GTF2IRD1: variants seen among roughly 807,000 people sequenced by gnomAD.
GTF2IRD1 encodes the protein GTF2I repeat domain containing 1.
GTF2IRD1 carries 26 observed loss-of-function variants against 113.2 expected under a neutral mutation model. The observed-to-expected ratio is 0.23, with a 90% CI of 0.17 to 0.32. The LOEUF (loss-of-function observed/expected upper bound fraction) is 0.32, where lower values mean the gene tolerates loss of function less well. Among genes scored for constraint, GTF2IRD1 ranks in the 10% least tolerant of loss-of-function variants. The pLI is 1.00. For synonymous variants in GTF2IRD1, 484 were observed against 529.1 expected (o/e 0.91, Z 1.17); for missense variants, 864 against 1,280.8 (o/e 0.67, Z 4.97).
chr7:74,479,408 G>A (rs889248493), intron 1 of GTF2IRD1, among the ~76,000 whole-genome samples: 4 of 149,612 alleles, frequency 2.7e-5, no homozygotes, highest in African/African-American at 9.9e-5. Flanking sequence ...ACACGTGGGC[G>A]GCCCAGGCTG....
chr7:74,561,346 CAAA>C (rs11452589), intron 22 of GTF2IRD1, among the ~76,000 whole-genome samples: 2 of 77,714 alleles, frequency 2.6e-5, no homozygotes, highest in Non-Finnish European at 2.5e-5. Context: ...TAGATTGTCT[CAAA>C]AAAAAAAAAA....
At chr7:74,558,344 TTTC>T (rs1554357864) in intron 20 of GTF2IRD1, among the ~76,000 whole-genome samples, 1 of 130,368 alleles carries the variant, frequency 7.7e-6, no homozygotes, top group African/African-American at 3.0e-5. Context: ...TTTTCTTTCG[TTTC>T]TTTTTTTTTT....
intron 17 of GTF2IRD1, among the ~76,000 whole-genome samples, chr7:74,549,962 A>C (rs1554354508): frequency 1.3e-5 from 2 of 151,950 alleles, no homozygotes; most frequent in African/African-American, 4.8e-5. Context: ...GCTTGAACCC[A>C]GGAGGCAGAA....
chr7:74,588,403 C>T (rs1801857518), intron 22 of GTF2IRD1, among the ~76,000 whole-genome samples: 1 of 152,008 alleles, frequency 6.6e-6, no homozygotes, highest in Non-Finnish European at 1.5e-5. Context: ...CCACCGCACC[C>T]AGCCAACACA....
At chr7:74,600,018 G>A (rs1349396179) in intron 25 of GTF2IRD1, among the ~76,000 whole-genome samples, 2 of 152,196 alleles carry the variant, frequency 1.3e-5, no homozygotes, top group Admixed American at 6.6e-5. Flanking sequence ...GTGCTCGTGA[G>A]TGAAATGTGA....
chr7:74,544,887 G>T, intron 15 of GTF2IRD1, 85 bp downstream of exon 15: 3 of 1,090,642 alleles, frequency 2.8e-6, no homozygotes, highest in Non-Finnish European at 4.1e-6. Flanking sequence ...TTGGCCTCTG[G>T]GTCTCTTCGT....
At chr7:74,489,548 G>C (rs1372442085) in intron 1 of GTF2IRD1, among the ~76,000 whole-genome samples, 3 of 152,106 alleles carry the variant, frequency 2.0e-5, no homozygotes, top group African/African-American at 7.2e-5. Context: ...TCGCCATGTT[G>C]GCCAGCCTGG....
At chr7:74,549,753 A>G (rs1275087942) in intron 17 of GTF2IRD1, among the ~76,000 whole-genome samples, 1 of 151,708 alleles carries the variant, frequency 6.6e-6, no homozygotes, top group Non-Finnish European at 1.5e-5. Context: ...ACAAAAATTA[A>G]GGCCGGGTGC....
chr7:74,520,584 AG>A (rs1797225161), intron 6 of GTF2IRD1, among the ~76,000 whole-genome samples: 1 of 151,952 alleles, frequency 6.6e-6, no homozygotes, highest in African/African-American at 2.4e-5. Flanking sequence ...GGGACCCGGT[AG>A]TCTTTTTGGA....
chr7:74,505,569 C>T (rs1026367828), intron 1 of GTF2IRD1, among the ~76,000 whole-genome samples: 1 of 152,208 alleles, frequency 6.6e-6, no homozygotes, highest in African/African-American at 2.4e-5. Flanking sequence ...CGGAAGGAGC[C>T]GGCCGCTGTC....
chr7:74,525,945 T>C (rs1324839420), intron 8 of GTF2IRD1, among the ~76,000 whole-genome samples: 1 of 152,164 alleles, frequency 6.6e-6, no homozygotes, highest in Non-Finnish European at 1.5e-5. Flanking sequence ...GACATGGGGC[T>C]GAACAAGACT....
At chr7:74,489,009 G>T (rs1795176625) in intron 1 of GTF2IRD1, among the ~76,000 whole-genome samples, 1 of 151,922 alleles carries the variant, frequency 6.6e-6, no homozygotes. Flanking sequence ...GGGTGTGGTG[G>T]TGGGTTCCTG....
chr7:74,546,396 A>G (rs1368158133), intron 16 of GTF2IRD1, among the ~76,000 whole-genome samples: 1 of 151,670 alleles, frequency 6.6e-6, no homozygotes, highest in African/African-American at 2.4e-5. Flanking sequence ...TAATTTTTGT[A>G]GTTTTAATAG....
At chr7:74,500,423 TAAAA>T (rs74272932) in intron 1 of GTF2IRD1, among the ~76,000 whole-genome samples, 2 of 136,730 alleles carry the variant, frequency 1.5e-5, no homozygotes, top group East Asian at 2.1e-4. Context: ...TCTGTTTTGT[TAAAA>T]AAAAAAAAAA....
intron 11 of GTF2IRD1, 107 bp from the exon 12 acceptor site, chr7:74,538,029 T>C: frequency 9.6e-7 from 1 of 1,038,150 alleles, no homozygotes. Flanking sequence ...CAGGGATGCC[T>C]TCTGCAGTGG....
At chr7:74,457,015 A>G (rs1487091640) in intron 1 of GTF2IRD1, among the ~76,000 whole-genome samples, 1 of 150,906 alleles carries the variant, frequency 6.6e-6, no homozygotes, top group Non-Finnish European at 1.5e-5. Flanking sequence ...TTTTTTTGAG[A>G]CAGTCTTGCT....
intron 1 of GTF2IRD1, among the ~76,000 whole-genome samples, chr7:74,459,206 A>G (rs868977050): frequency 3.9e-5 from 6 of 152,140 alleles, no homozygotes; most frequent in Middle Eastern, 6.8e-3. Flanking sequence ...AATCCCCAGC[A>G]CTTTGCACTT....
intron 17 of GTF2IRD1, among the ~76,000 whole-genome samples, chr7:74,554,212 G>A (rs146661293): frequency 0.011 from 1,722 of 152,106 alleles, 19 homozygotes; most frequent in Non-Finnish European, 0.019. Context: ...GCCATCCCCC[G>A]ACAGCCCCCT....
At chr7:74,479,752 CTTTTT>C (rs1219454712) in intron 1 of GTF2IRD1, among the ~76,000 whole-genome samples, 1 of 122,166 alleles carries the variant, frequency 8.2e-6, no homozygotes, top group Admixed American at 8.6e-5. Context: ...GTACATGAAT[CTTTTT>C]TTTTTTTTTT....
Sources: gnomAD v4.1 joint callset for allele counts (sites outside exome capture counted in the v4.1 genomes callset) on GRCh38, gnomAD v4.1.1 for gene constraint, MANE v1.5 for transcripts, NCBI Gene and HGNC (gene_info 2026-07-23, HGNC 2026-07-21) for gene names.